Variants in TRIO observed in about 807,000 individuals in gnomAD.
TRIO encodes triple functional domain protein.
TRIO carries 58 observed loss-of-function variants against 351.9 expected under a neutral mutation model. The ratio of observed to expected loss-of-function variants is 0.16; its 90% CI spans 0.13 to 0.21. The LOEUF is 0.21. Among genes scored for constraint, TRIO ranks in the 10% least tolerant of loss-of-function variants. The probability of loss-of-function intolerance (pLI) is 1.00; values close to 1 mark genes in which losing one functional copy is unlikely to be tolerated. For synonymous variants in TRIO, 1,758 were observed against 1,595.7 expected (o/e 1.10, Z -2.42); for missense variants, 3,201 against 4,027.8 (o/e 0.79, Z 5.56).
chr5:14,411,544 T>C (rs1749205686), intron 33 of TRIO, among the ~76,000 whole-genome samples: 1 of 152,186 alleles, frequency 6.6e-6, no homozygotes, highest in African/African-American at 2.4e-5. Context: ...TGGAACCCCC[T>C]TCCCAAGCTT....
intron 1 of TRIO, among the ~76,000 whole-genome samples, chr5:14,220,320 A>G (rs1056544511): frequency 1.3e-5 from 2 of 152,106 alleles, no homozygotes; most frequent in African/African-American, 4.8e-5. Context: ...GTGTGTTCTG[A>G]CTGCTCCATT....
intron 11 of TRIO, among the ~76,000 whole-genome samples, chr5:14,353,794 T>C (rs1743357947): frequency 6.6e-6 from 1 of 152,360 alleles, no homozygotes; most frequent in East Asian, 1.9e-4. Flanking sequence ...ATAGTAACTC[T>C]TAGGCTGTTG....
intron 21 of TRIO, 162 bp from the exon 22 acceptor site, chr5:14,387,276 C>A: frequency 1.7e-6 from 1 of 595,832 alleles, no homozygotes; most frequent in Non-Finnish European, 2.9e-6. Flanking sequence ...GGTCAGGAAT[C>A]CGGGAGATGG....
At chr5:14,291,401 C>A (rs1736889294) in intron 5 of TRIO, among the ~76,000 whole-genome samples, 173 bp downstream of exon 5, 1 of 151,904 alleles carries the variant, frequency 6.6e-6, no homozygotes, top group Non-Finnish European at 1.5e-5. Context: ...TCCGGTTTTA[C>A]TCGTTGTGCA....
At position 14,286,952 on chromosome 5, in the gene TRIO, G is replaced by A; in HGVS notation, c.429G>A (p.Lys143=). The change falls in exon 4 of 57, where the codon AAG becomes AAA. Residue 143 remains lysine, a synonymous_variant. Coordinates refer to ENST00000344204, the MANE Select transcript of TRIO (RefSeq NM_007118.4). The surrounding 1 kb of genome is among the most constrained non-coding windows in gnomAD (Gnocchi z 4.4). ...GGGACTCCATCAAGCCCCTTCTGAA[G>A]ATCCTGCAGGAGTCCTTCCCCTGCT... The part of the protein sequence containing the change: ...SKWDSIKPLL[K]ILQESFPCCI... 5.0e-6 allele frequency: 8 copies of A among 1,614,232 alleles called. No individual in the cohort carries two copies. The highest frequency in any genetic ancestry group is 6.8e-6 in the Non-Finnish European group (8 of 1,180,038).
intron 35 of TRIO, among the ~76,000 whole-genome samples, chr5:14,462,274 A>C (rs1045659196): frequency 6.6e-6 from 1 of 152,208 alleles, no homozygotes. Flanking sequence ...CTAAAACTGA[A>C]ATTTGTTTCT....
intron 49 of TRIO, among the ~76,000 whole-genome samples, chr5:14,493,156 T>C (rs1470216352): frequency 6.6e-6 from 1 of 152,166 alleles, no homozygotes; most frequent in African/African-American, 2.4e-5. Flanking sequence ...TCCCCTATCT[T>C]TGTTTCTTTG....
intron 1 of TRIO, among the ~76,000 whole-genome samples, chr5:14,246,801 C>G (rs1794465207): frequency 6.6e-6 from 1 of 152,228 alleles, no homozygotes; most frequent in Non-Finnish European, 1.5e-5. Flanking sequence ...GCTTCTGTCT[C>G]TGCACCTGTC....
At position 14,419,775 on chromosome 5, in the gene TRIO, C is replaced by G. The variant is rs767379292; in HGVS notation, c.4960-3C>G. On this transcript the variant is annotated splice_region_variant and splice_polypyrimidine_tract_variant and intron_variant, in intron 33 of 56. Coordinates refer to ENST00000344204, the MANE Select transcript of TRIO (RefSeq NM_007118.4). ...CTGTCCTCTCTTCCTCTGTTCCCCC[C>G]AGCTCTCTGGTGGCTGTGAGCTGAC... 1 of 1,614,076 alleles carries G rather than the reference C, an allele frequency of 6.2e-7. No individual in the cohort carries two copies. The highest frequency in any genetic ancestry group is 8.5e-7 in the Non-Finnish European group (1 of 1,179,982).
At chr5:14,492,845 A>T in intron 49 of TRIO, 31 bp downstream of exon 49, 1 of 1,605,346 alleles carries the variant, frequency 6.2e-7, no homozygotes, top group Non-Finnish European at 8.5e-7. Context: ...GCGTCCTGGC[A>T]GGCAGCAGAG....
At chr5:14,388,277 AG>A (rs1459747836) in intron 23 of TRIO, among the ~76,000 whole-genome samples, 1 of 151,990 alleles carries the variant, frequency 6.6e-6, no homozygotes, top group East Asian at 1.9e-4. Context: ...CACAGTGGGG[AG>A]GGGGAGGGAG....
intron 35 of TRIO, among the ~76,000 whole-genome samples, chr5:14,461,587 C>T (rs890229446): frequency 2.0e-5 from 3 of 152,184 alleles, no homozygotes; most frequent in East Asian, 3.8e-4. Context: ...GCCCAGTCAG[C>T]CCCCAGGCCT....
chr5:14,244,864 A>G (rs923759340), intron 1 of TRIO, among the ~76,000 whole-genome samples: 5 of 152,070 alleles, frequency 3.3e-5, no homozygotes, highest in Admixed American at 3.3e-4. Context: ...GCACAGGGTA[A>G]ATGAGGTTTG....
rs1393377604 is a variant in TRIO, at chr5:14,479,980, A to G, written c.6305A>G (p.Gln2102Arg). The G allele has an allele frequency of 6.2e-7, 1 of 1,614,082 alleles. No homozygotes were observed. Among genetic ancestry groups the G allele is most frequent in the Non-Finnish European group, 8.5e-7 (1 of 1,180,022 alleles). The change falls in exon 43 of 57, where the codon CAG becomes CGG. Residue 2102 changes from glutamine to arginine, a missense_variant. Transcript: ENST00000344204. ...ACAGATCTGTTGATCAAACCAGTGCAGAGAATCATGAAGTATCAGCTGTTA... is the reference window on the plus strand; with the variant it reads ...ACAGATCTGTTGATCAAACCAGTGCGGAGAATCATGAAGTATCAGCTGTTA... ...QLTDLLIKPV[Q>R]RIMKYQLLLK...
At chr5:14,320,733 G>A (rs1739806373) in intron 9 of TRIO, among the ~76,000 whole-genome samples, 2 of 152,074 alleles carry the variant, frequency 1.3e-5, no homozygotes, top group Admixed American at 1.3e-4. Context: ...ATGTTGACAG[G>A]GTCCAAGTTC....
intron 1 of TRIO, among the ~76,000 whole-genome samples, chr5:14,216,047 ACTT>A (rs1373823782): frequency 1.3e-5 from 2 of 152,136 alleles, no homozygotes; most frequent in African/African-American, 2.4e-5. Context: ...CATGGTATCT[ACTT>A]CTTAGCGTTC....
rs1187110711 is a variant in TRIO, at chr5:14,268,926, C to T, written c.158-1899C>T. 2.0e-5 allele frequency among the ~76,000 whole-genome samples: 3 copies of T among 152,312 alleles called. No individual in the cohort carries two copies. The East Asian group carries it at 5.8e-4, about 29-fold the overall frequency. The stretch of plus-strand genomic sequence containing the variant: ...ACGGTGACTGGCAGTGAATTGCTGA[C>T]TAGATTGCATCCATTCAAGAGTTTT... On this transcript the variant is annotated intron_variant, in intron 1 of 56. Transcript: ENST00000344204.
chr5:14,220,367 G>A (rs528859309), intron 1 of TRIO, among the ~76,000 whole-genome samples: 1 of 152,138 alleles, frequency 6.6e-6, no homozygotes, highest in South Asian at 2.1e-4. Context: ...CTCTCCTCAG[G>A]CCTCCTATTT....
chr5:14,178,667 G>A (rs1789553563), intron 1 of TRIO, among the ~76,000 whole-genome samples: 1 of 152,204 alleles, frequency 6.6e-6, no homozygotes, highest in Non-Finnish European at 1.5e-5. Flanking sequence ...AATTCAGTAT[G>A]TAGAGGGTGA....
Sources: gnomAD v4.1 joint callset for allele counts (sites outside exome capture counted in the v4.1 genomes callset) on GRCh38, gnomAD v4.1.1 for gene constraint, Gnocchi (gnomAD v3.1) non-coding constraint, MANE v1.5 for transcripts, NCBI Gene and HGNC (gene_info 2026-07-23, HGNC 2026-07-21) for gene names.